Variants in GLO1 observed in about 807,000 individuals in gnomAD.
GLO1 encodes the protein glyoxalase I.
Under a neutral mutation model 26.0 loss-of-function variants are expected in GLO1, and 28 were observed. The observed-to-expected ratio is 1.08, with a 90% CI of 0.80 to 1.48. GLO1 has a LOEUF of 1.48. Among genes scored for constraint, GLO1 ranks in the 40% most tolerant of loss-of-function variants. GLO1 has a pLI of 0.00. For missense variants in GLO1, 225 were observed against 224.8 expected, an observed-to-expected ratio of 1.00 and a Z score of -0.01; for synonymous variants, 78 against 77.6, an observed-to-expected ratio of 1.00 and a Z score of -0.03.
At chr6:38,678,659 A>G (rs1432519374) in intron 5 of GLO1, among the ~76,000 whole-genome samples, 1 of 152,160 alleles carries the variant, frequency 6.6e-6, no homozygotes, top group Non-Finnish European at 1.5e-5. Context: ...TTACCAGTAA[A>G]CAAGGGCAGT....
intron 1 of GLO1, 117 bp downstream of exon 1, chr6:38,702,854 T>G: frequency 1.6e-6 from 1 of 634,220 alleles, no homozygotes; most frequent in Non-Finnish European, 2.8e-6. Flanking sequence ...CCCATCACAC[T>G]CCCGTCCGCC....
rs1364455997 is a variant in GLO1, at chr6:38,676,606, C to T, written c.*689G>A. Reference sequence around the variant, plus strand: ...AATCCATGAAAGTGATTTCACATGCCTAGCCTGCTTTCTTTCTCACATGAC... The same window carrying T: ...AATCCATGAAAGTGATTTCACATGCTTAGCCTGCTTTCTTTCTCACATGAC... On this transcript the variant is annotated 3_prime_UTR_variant, in exon 6 of 6. Transcript: ENST00000373365. The T allele has an allele frequency of 6.6e-6, 1 of 152,198 alleles. No individual in the cohort carries two copies. The highest frequency in any genetic ancestry group is 2.4e-5 in the African/African-American group (1 of 41,456). The allele number at this position is 152,198 out of a possible 1,614,324, so 9.4% of individuals were successfully genotyped here.
chr6:38,700,720 A>G (rs936502102), intron 1 of GLO1, among the ~76,000 whole-genome samples: 1 of 151,834 alleles, frequency 6.6e-6, no homozygotes, highest in Non-Finnish European at 1.5e-5. Context: ...CAAAGTACTT[A>G]CCATCTTCTT....
intron 1 of GLO1, among the ~76,000 whole-genome samples, chr6:38,691,153 T>C (rs1761524376): frequency 6.6e-6 from 1 of 152,210 alleles, no homozygotes; most frequent in African/African-American, 2.4e-5. Flanking sequence ...GTGTCTTTTA[T>C]GCCTAAACTA....
At chr6:38,679,296 T>A (rs540418869) in intron 5 of GLO1, among the ~76,000 whole-genome samples, 41 of 150,350 alleles carry the variant, frequency 2.7e-4, no homozygotes, top group African/African-American at 3.2e-4. Flanking sequence ...CCAGATAATT[T>A]AAAAAAAAAC....
At chr6:38,684,624 T>C in intron 2 of GLO1, 110 bp from the exon 3 acceptor site, 1 of 562,252 alleles carries the variant, frequency 1.8e-6, no homozygotes, top group Non-Finnish European at 2.7e-6. Flanking sequence ...GAGCTATATG[T>C]AGTAAGCCTA....
chr6:38,698,416 ACCCC>A (rs1170466319), intron 1 of GLO1, among the ~76,000 whole-genome samples: 1 of 148,406 alleles, frequency 6.7e-6, no homozygotes, highest in Non-Finnish European at 1.5e-5. Flanking sequence ...TTGGAGAGGG[ACCCC>A]ATCATATATA....
At chr6:38,699,800 G>T (rs1013174255) in intron 1 of GLO1, among the ~76,000 whole-genome samples, 1 of 152,098 alleles carries the variant, frequency 6.6e-6, no homozygotes, top group Non-Finnish European at 1.5e-5. Context: ...GTTTTCTGTT[G>T]TTTAAGATGT....
At chr6:38,685,456 T>G (rs1005831360) in intron 2 of GLO1, among the ~76,000 whole-genome samples, 1 of 152,222 alleles carries the variant, frequency 6.6e-6, no homozygotes, top group African/African-American at 2.4e-5. Flanking sequence ...TGATTTTCTT[T>G]AGATTATTCA....
chr6:38,687,109 G>T (rs748527107), intron 1 of GLO1, 135 bp from the exon 2 acceptor site: 48 of 1,429,076 alleles, frequency 3.4e-5, no homozygotes, highest in Non-Finnish European at 3.8e-5. Context: ...TCTGCTCAGT[G>T]GTATCTTCTG....
intron 1 of GLO1, among the ~76,000 whole-genome samples, chr6:38,698,216 T>G (rs1582782557): frequency 6.6e-6 from 1 of 152,244 alleles, no homozygotes; most frequent in East Asian, 1.9e-4. Context: ...GTCCCACTGC[T>G]TATAACTTCA....
intron 1 of GLO1, among the ~76,000 whole-genome samples, chr6:38,687,852 T>C (rs1562485487): frequency 6.6e-6 from 1 of 152,158 alleles, no homozygotes; most frequent in Non-Finnish European, 1.5e-5. Context: ...GTATGTACCT[T>C]CCAGACCATA....
rs768180981 is a variant in GLO1 at position 38,682,005 on chromosome 6, G to C, written c.466+7C>G. On this transcript the variant is annotated splice_region_variant and intron_variant, in intron 5 of 5. Transcript: ENST00000373365. ...ACAGGCCTGAACACAGTAAGTAGTA[G>C]ACTCACCATCATCAGGTTTCTTCAC... 3.7e-6 allele frequency: 5 copies of C among 1,369,530 alleles called. No homozygotes were observed. The South Asian group carries it at 5.8e-5, about 16-fold the overall frequency. The allele number at this position is 1,369,530 out of a possible 1,614,324, so 84.8% of individuals were successfully genotyped here.
chr6:38,693,675 CTCTCTCTCTCTATATA>C (rs759970245), intron 1 of GLO1, among the ~76,000 whole-genome samples: 4 of 105,310 alleles, frequency 3.8e-5, no homozygotes, highest in Non-Finnish European at 7.6e-5. Flanking sequence ...CTCTCTCTCT[CTCTCTCTCTCTATATA>C]TATATATATA....
intron 1 of GLO1, among the ~76,000 whole-genome samples, chr6:38,687,824 G>A (rs1337180846): frequency 1.3e-5 from 2 of 151,844 alleles, no homozygotes; most frequent in African/African-American, 2.4e-5. Context: ...TCTAAGTTTT[G>A]GTCTCCCTTT....
chr6:38,695,624 C>A (rs973766556), intron 1 of GLO1, among the ~76,000 whole-genome samples: 9 of 152,124 alleles, frequency 5.9e-5, no homozygotes, highest in Admixed American at 5.2e-4. Flanking sequence ...AGCCTTCCCC[C>A]ACATCACCTT....
chr6:38,692,549 C>A (rs1052181706), intron 1 of GLO1, among the ~76,000 whole-genome samples: 3 of 152,036 alleles, frequency 2.0e-5, no homozygotes, highest in South Asian at 4.2e-4. Flanking sequence ...TGCTTTACTG[C>A]ACTGTCTAGA....
At chr6:38,698,978 T>C (rs1761652448) in intron 1 of GLO1, among the ~76,000 whole-genome samples, 1 of 152,160 alleles carries the variant, frequency 6.6e-6, no homozygotes, top group Non-Finnish European at 1.5e-5. Flanking sequence ...TTCCCCACTA[T>C]GTATATAAAA....
chr6:38,688,697 T>A (rs1177026392), intron 1 of GLO1, among the ~76,000 whole-genome samples: 1 of 152,192 alleles, frequency 6.6e-6, no homozygotes, highest in African/African-American at 2.4e-5. Flanking sequence ...CCAGCACTGG[T>A]TCTCAGTCTC....
Sources: allele counts gnomAD v4.1 joint callset (sites outside exome capture counted in the v4.1 genomes callset), GRCh38; gene constraint gnomAD v4.1.1; transcripts MANE v1.5; gene names NCBI Gene and HGNC (gene_info 2026-07-23, HGNC 2026-07-21).